ZMYM2: variants seen among roughly 807,000 people sequenced by gnomAD.
ZMYM2 encodes zinc finger MYM-type protein 2.
ZMYM2 carries 56 observed loss-of-function variants against 162.8 expected under a neutral mutation model. The ratio of observed to expected loss-of-function variants is 0.34; its 90% CI spans 0.28 to 0.43. ZMYM2 has a LOEUF of 0.43. Among genes scored for constraint, ZMYM2 ranks in the 20% least tolerant of loss-of-function variants. ZMYM2 has a pLI of 1.00. For missense variants in ZMYM2, 1,275 were observed against 1,621.8 expected (o/e 0.79, Z 3.67); for synonymous variants, 510 against 541.6 (o/e 0.94, Z 0.81).
chr13:20,061,358 G>A lies in ZMYM2; in HGVS notation c.2911+134G>A, dbSNP rs1469875645. On this transcript the variant is annotated intron_variant, in intron 17 of 24. Coordinates refer to ENST00000610343, the MANE Select transcript of ZMYM2 (RefSeq NM_197968.4). ...GTGAGGAAAGCATTGTAACAAAAATGTTTTTTATATTAAGAGATCTACACT... is the reference window on the plus strand; with the variant it reads ...GTGAGGAAAGCATTGTAACAAAAATATTTTTTATATTAAGAGATCTACACT... The A allele has an allele frequency of 6.4e-6, 5 of 782,638 alleles. No individual in the cohort carries two copies. The East Asian group carries it at 1.8e-4, about 28-fold the overall frequency. The allele number at this position is 782,638 out of a possible 1,614,324, so 48.5% of individuals were successfully genotyped here.
At chr13:20,079,305 A>G (rs1957740507) in intron 21 of ZMYM2, among the ~76,000 whole-genome samples, 1 of 133,966 alleles carries the variant, frequency 7.5e-6, no homozygotes, top group Non-Finnish European at 1.6e-5. Context: ...CAACAGAGTA[A>G]GACTCTGTCT....
At chr13:20,060,928 G>A in intron 16 of ZMYM2, 125 bp from the exon 17 acceptor site, 1 of 908,092 alleles carries the variant, frequency 1.1e-6, no homozygotes, top group Non-Finnish European at 1.6e-6. Context: ...TTTTGTATGT[G>A]TTCTTTTCAA....
chr13:19,920,377 C>T, the ZMYM2 span, among the ~76,000 whole-genome samples: 2 of 151,984 alleles, frequency 1.3e-5, no homozygotes, highest in Non-Finnish European at 2.9e-5. Flanking sequence ...GGCTTGTGAG[C>T]GTTAGTTTGT....
At chr13:20,083,179 C>T in intron 23 of ZMYM2, 147 bp downstream of exon 23, 1 of 774,160 alleles carries the variant, frequency 1.3e-6, no homozygotes, top group African/African-American at 1.7e-5. Context: ...TCTCCTCCCT[C>T]AGCCTCCTGA....
the ZMYM2 span, among the ~76,000 whole-genome samples, chr13:19,947,424 G>C: frequency 6.7e-6 from 1 of 149,856 alleles, no homozygotes; most frequent in Non-Finnish European, 1.5e-5. Context: ...TTACTCCACA[G>C]GTTATGTATC....
At chr13:19,885,929 G>GTATATACACATATATGTGTA in the ZMYM2 span, among the ~76,000 whole-genome samples, 5 of 41,570 alleles carry the variant, frequency 1.2e-4, 1 homozygote, top group Non-Finnish European at 1.9e-4. Context: ...ATATATATGT[G>GTATATACACATATATGTGTA]TATACACATA....
At chr13:19,870,932 C>T in the ZMYM2 span, among the ~76,000 whole-genome samples, 1 of 152,048 alleles carries the variant, frequency 6.6e-6, no homozygotes, top group South Asian at 2.1e-4. Flanking sequence ...TGGCCTTACA[C>T]TGTCATTTCT....
chr13:19,870,845 T>C, the ZMYM2 span, among the ~76,000 whole-genome samples: 2,411 of 151,990 alleles, frequency 0.016, 55 homozygotes, highest in African/African-American at 0.056. Context: ...CAGGCTGGTC[T>C]CCGACTCCCG....
chr13:19,985,204 A>G (rs2139578886), intron 2 of ZMYM2, among the ~76,000 whole-genome samples: 1 of 152,192 alleles, frequency 6.6e-6, no homozygotes, highest in East Asian at 1.9e-4. Flanking sequence ...GCTTACAGCA[A>G]CCTCTGCTTC....
chr13:19,977,990 C>T (rs1956944483), intron 2 of ZMYM2, among the ~76,000 whole-genome samples: 1 of 151,354 alleles, frequency 6.6e-6, no homozygotes, highest in African/African-American at 2.4e-5. Flanking sequence ...CATTATCCTG[C>T]CTCAGCCTCC....
intron 12 of ZMYM2, among the ~76,000 whole-genome samples, chr13:20,040,059 G>A (rs553000107): frequency 7.9e-5 from 12 of 152,260 alleles, no homozygotes; most frequent in African/African-American, 2.2e-4. Context: ...TTTTCTGGTT[G>A]TGTCTCTGCC....
At chr13:20,028,458 T>A (rs1351843510) in intron 9 of ZMYM2, among the ~76,000 whole-genome samples, 1 of 152,188 alleles carries the variant, frequency 6.6e-6, no homozygotes, top group East Asian at 1.9e-4. Context: ...ATGTTGTAAC[T>A]ACCCTTTTCA....
In ZMYM2 at chr13:20,082,995, A is replaced by G; in HGVS notation, c.3783A>G (p.Arg1261=). ...PLTMENKACL[R]YQVSSLCGTD... is the part of the protein sequence containing the mutation. ...CGATGGAAAACAAAGCGTGTCTTCG[A>G]TACCAAGTGTCTTCCTTGTGTGGAA... Residue 1261 remains arginine (R), a synonymous_variant, in exon 23 of 25, where the codon CGA becomes CGG. Transcript: ENST00000610343. 6.2e-7 allele frequency: 1 copy of G among 1,613,804 alleles called. No individual in the cohort carries two copies.
intron 7 of ZMYM2, chr13:20,025,156 T>C (rs1952463800): frequency 4.8e-6 from 1 of 207,038 alleles, no homozygotes; most frequent in Non-Finnish European, 9.9e-6. Context: ...CTGATTGTTA[T>C]CTATAACACC....
At chr13:20,055,686 G>T (rs1250105112) in intron 14 of ZMYM2, among the ~76,000 whole-genome samples, 1 of 152,152 alleles carries the variant, frequency 6.6e-6, no homozygotes. Flanking sequence ...GAAAAAGGAA[G>T]AGGAAATTTG....
At chr13:19,939,160 A>G in the ZMYM2 span, among the ~76,000 whole-genome samples, 2 of 150,776 alleles carry the variant, frequency 1.3e-5, no homozygotes, top group African/African-American at 4.9e-5. Context: ...AGTAACTGGG[A>G]TTACAGGTGC....
intron 2 of ZMYM2, among the ~76,000 whole-genome samples, chr13:19,964,389 AAAAT>A (rs1287196556): frequency 2.0e-5 from 3 of 152,192 alleles, no homozygotes; most frequent in East Asian, 3.9e-4. Context: ...AATAAAAAAA[AAAAT>A]AAAGTGATTA....
At chr13:19,911,701 T>C in the ZMYM2 span, among the ~76,000 whole-genome samples, 10 of 152,142 alleles carry the variant, frequency 6.6e-5, no homozygotes, top group African/African-American at 2.4e-4. Flanking sequence ...CCCAAACCCA[T>C]TTGATGGTTC....
At chr13:19,903,392 A>G in the ZMYM2 span, among the ~76,000 whole-genome samples, 3 of 150,156 alleles carry the variant, frequency 2.0e-5, no homozygotes, top group Admixed American at 2.0e-4. Flanking sequence ...GTAATTTCAG[A>G]ACTTTGGGAG....
Sources: gnomAD v4.1 joint callset for allele counts (sites outside exome capture counted in the v4.1 genomes callset) on GRCh38, gnomAD v4.1.1 for gene constraint, MANE v1.5 for transcripts, NCBI Gene and HGNC (gene_info 2026-07-23, HGNC 2026-07-21) for gene names.